The following TRAF7 variants were observed in gnomAD, a reference collection of about 807,000 sequenced individuals.
TRAF7 encodes the protein E3 ubiquitin-protein ligase TRAF7.
A neutral mutation model predicts 89.3 loss-of-function variants in TRAF7; 45 were observed. The observed-to-expected ratio is 0.50, with a 90% confidence interval of 0.40 to 0.65. The LOEUF (loss-of-function observed/expected upper bound fraction) is 0.65, where lower values mean the gene tolerates loss of function less well. Ranked by LOEUF, TRAF7 falls within the 30% of genes least tolerant of loss-of-function variation. The pLI is 0.00. For missense variants in TRAF7, 677 were observed against 918.1 expected, an observed-to-expected ratio of 0.74 and a Z score of 3.39; for synonymous variants, 406 against 369.2, an observed-to-expected ratio of 1.10 and a Z score of -1.14.
intron 11 of TRAF7, 92 bp downstream of exon 11, chr16:2,173,646 G>T: frequency 1.9e-6 from 3 of 1,578,434 alleles, no homozygotes; most frequent in Non-Finnish European, 2.6e-6. Context: ...GCCTACACTA[G>T]TCAAGATCAG....
At position 2,165,891 on chromosome 16, in the gene TRAF7, A is replaced by G. The variant is rs147236770; in HGVS notation, c.94A>G (p.Thr32Ala). The change falls in exon 3 of 21, where the codon ACG becomes GCG. Residue 32 changes from threonine to alanine, a missense_variant. By Grantham distance (58) the Thr-to-Ala change is moderately conservative. Around this residue, in one of 6 missense-constraint regions of TRAF7, gnomAD observed 240 missense variants for 191.9 expected, o/e 1.25. Coordinates refer to ENST00000326181, the MANE Select transcript of TRAF7 (RefSeq NM_032271.3). ...GTCCTCCCTCTAGACCAGAATGGAA[A>G]CGACCTTCGGACCCGCCTTTTCAGC... ...PDVTTGTRME[T>A]TFGPAFSAVT... The G allele has an allele frequency of 1.2e-6, 2 of 1,614,010 alleles. No homozygotes were observed. Among genetic ancestry groups the G allele is most frequent in the African/African-American group, 1.3e-5 (1 of 74,928 alleles).
At chr16:2,157,743 G>A (rs925183472) in intron 1 of TRAF7, among the ~76,000 whole-genome samples, 2 of 152,050 alleles carry the variant, frequency 1.3e-5, no homozygotes, top group Non-Finnish European at 2.9e-5. Flanking sequence ...GCCACTCCCC[G>A]GCTTGGCATG....
chr16:2,171,290 C>T lies in TRAF7; in HGVS notation c.375C>T (p.Pro125=). 1 of 1,554,506 alleles carries T rather than the reference C, an allele frequency of 6.4e-7. No individual in the cohort carries two copies. The highest frequency in any genetic ancestry group is 1.2e-5 in the South Asian group (1 of 84,626). ...EPEPLVFAEQ[P]SVKLCCQLCC... ...AGCCACTGGTGTTTGCGGAGCAGCC[C>T]TCGGTGAAGCTGTGCTGTCAGCTCT... Residue 125 remains proline (P), a synonymous_variant, in exon 6 of 21, where the codon CCC becomes CCT. Transcript: ENST00000326181.
At chr16:2,170,000 C>G (rs1274281781) in intron 4 of TRAF7, among the ~76,000 whole-genome samples, 1 of 152,118 alleles carries the variant, frequency 6.6e-6, no homozygotes, top group Non-Finnish European at 1.5e-5. Context: ...GTGTCTGCCC[C>G]TCCCCCAGGC....
rs1357649880 is a variant in TRAF7, at chr16:2,176,363, G to T, written c.1977G>T (p.Gly659=). 2 of 1,607,138 alleles carry T rather than the reference G, an allele frequency of 1.2e-6. No homozygotes were observed. The highest frequency in any genetic ancestry group is 8.5e-7 in the Non-Finnish European group (1 of 1,178,640). ...TGTCCCGGGGCCGACTCTTCTCAGG[G>T]GCTGTGGATAGCACTGTGAAGGTCA... is the stretch of plus-strand genomic sequence containing the variant. The part of the protein sequence containing the change: ...LAVSRGRLFS[G]AVDSTVKVWT... Residue 659 remains glycine, a synonymous_variant, in exon 20 of 21, where the codon GGG becomes GGT. Transcript: ENST00000326181.
At chr16:2,175,805 G>A (rs1193915567) in intron 17 of TRAF7, 29 bp from the exon 18 acceptor site, 2 of 1,610,470 alleles carry the variant, frequency 1.2e-6, no homozygotes, top group Non-Finnish European at 1.7e-6. Flanking sequence ...CACCTGGCCT[G>A]GGACCAACTG....
At chr16:2,156,207 C>T (rs1413582977) in intron 1 of TRAF7, among the ~76,000 whole-genome samples, 1 of 152,174 alleles carries the variant, frequency 6.6e-6, no homozygotes, top group Non-Finnish European at 1.5e-5. Flanking sequence ...TCGGCGTCTG[C>T]TGCAGGGTTC....
chr16:2,169,318 C>T (rs962495474), intron 4 of TRAF7, among the ~76,000 whole-genome samples: 1 of 152,186 alleles, frequency 6.6e-6, no homozygotes. Flanking sequence ...AACAAACACA[C>T]CTGTGTGCCG....
chr16:2,160,157 T>C (rs1007985991), intron 1 of TRAF7, among the ~76,000 whole-genome samples: 1 of 151,700 alleles, frequency 6.6e-6, no homozygotes, highest in Admixed American at 6.6e-5. Flanking sequence ...CCCTCCTACG[T>C]GAATGTGGGG....
At chr16:2,160,852 G>T (rs1397175970) in intron 1 of TRAF7, among the ~76,000 whole-genome samples, 1 of 151,746 alleles carries the variant, frequency 6.6e-6, no homozygotes, top group Non-Finnish European at 1.5e-5. Flanking sequence ...TCTCCCTCTG[G>T]GGGGCCAGGG....
intron 4 of TRAF7, among the ~76,000 whole-genome samples, chr16:2,170,138 TC>T (rs1485643782): frequency 6.6e-6 from 1 of 151,974 alleles, no homozygotes; most frequent in African/African-American, 2.4e-5. Flanking sequence ...GGGCCTGGTG[TC>T]CCCCACCAGC....
Position 2,173,207 on chromosome 16 carries a change from A to G in TRAF7, c.820A>G (p.Thr274Ala). 3.1e-6 allele frequency: 5 copies of G among 1,611,384 alleles called. No individual in the cohort carries two copies. Among genetic ancestry groups the G allele is most frequent in the Non-Finnish European group, 4.2e-6 (5 of 1,179,364 alleles). Residue 274 changes from threonine (T) to alanine (A), a missense_variant, in exon 10 of 21, where the codon ACT becomes GCT. Around this residue, in one of 6 missense-constraint regions of TRAF7, gnomAD observed 238 missense variants for 352.6 expected, o/e 0.67. Coordinates refer to ENST00000326181, the MANE Select transcript of TRAF7 (RefSeq NM_032271.3). ...GTGCACGTTCATCGGGAACCAGGACACTTACGAGACCCACCTGGAGACTTG... is the reference window on the plus strand; with the variant it reads ...GTGCACGTTCATCGGGAACCAGGACGCTTACGAGACCCACCTGGAGACTTG... ...YGCTFIGNQD[T>A]YETHLETCRF...
rs2093098566 is a variant in TRAF7 at position 2,169,172 on chromosome 16, G to A, written c.231+1004G>A. Among the ~76,000 whole-genome samples the A allele has an allele frequency of 2.6e-5, 4 of 152,076 alleles. No homozygotes were observed. In the South Asian group the frequency reaches 8.3e-4, roughly 32 times the overall value. ...GGCTAATTTTGAATTAGTAGAGATG[G>A]GGTTTCTCCATGTTGGTCAGGCTGG... is the stretch of plus-strand genomic sequence containing the variant. On this transcript the variant is annotated intron_variant, in intron 4 of 20. Coordinates refer to ENST00000326181, the MANE Select transcript of TRAF7 (RefSeq NM_032271.3).
At chr16:2,175,779 G>T (rs1292244879) in intron 17 of TRAF7, 55 bp from the exon 18 acceptor site, 5 of 1,604,714 alleles carry the variant, frequency 3.1e-6, no homozygotes, top group Non-Finnish European at 2.6e-6. Flanking sequence ...GGGGTGCGGG[G>T]GCCCTGGGGG....
chr16:2,174,392 C>T, intron 14 of TRAF7, 59 bp downstream of exon 14: 1 of 1,549,244 alleles, frequency 6.5e-7, no homozygotes, highest in Non-Finnish European at 8.8e-7. Flanking sequence ...GGCGCTGCCA[C>T]CCCGTGGGCC....
chr16:2,165,792 G>T, intron 2 of TRAF7, 87 bp from the exon 3 acceptor site: 1 of 1,506,822 alleles, frequency 6.6e-7, no homozygotes, highest in Non-Finnish European at 9.2e-7. Context: ...TGGCCTGGTC[G>T]CGTGTTAGGC....
chr16:2,161,822 G>C lies in TRAF7; in HGVS notation c.-38-2061G>C, dbSNP rs1031246265. Reference sequence around the variant, plus strand: ...CAGCTCTCCCCGACCTTCCTGCCGGGAGCTGCTGGAGACGGGATAGACATG... The same window carrying C: ...CAGCTCTCCCCGACCTTCCTGCCGGCAGCTGCTGGAGACGGGATAGACATG... On this transcript the variant is annotated intron_variant, in intron 1 of 20. Coordinates refer to ENST00000326181, the MANE Select transcript of TRAF7 (RefSeq NM_032271.3). This position sits in a 1 kb window ranked among gnomAD's most constrained non-coding sequence, Gnocchi z 5.2. 1.3e-5 allele frequency among the ~76,000 whole-genome samples: 2 copies of C among 152,206 alleles called. No individual in the cohort carries two copies. Among genetic ancestry groups the C allele is most frequent in the African/African-American group, 4.8e-5 (2 of 41,458 alleles).
intron 3 of TRAF7, among the ~76,000 whole-genome samples, chr16:2,166,275 T>A (rs968472645): frequency 1.3e-5 from 2 of 152,290 alleles, no homozygotes; most frequent in Admixed American, 1.3e-4. Context: ...GTCCCCAGTC[T>A]CAGGCTCCTG....
intron 2 of TRAF7, among the ~76,000 whole-genome samples, chr16:2,165,336 T>C: frequency 7.0e-6 from 1 of 142,172 alleles, no homozygotes; most frequent in Non-Finnish European, 1.5e-5. Flanking sequence ...TGGCGCGGCC[T>C]GGTCGCATGG....
Sources: allele counts gnomAD v4.1 joint callset (sites outside exome capture counted in the v4.1 genomes callset), GRCh38; gene constraint gnomAD v4.1.1; regional missense constraint gnomAD v4.1.1; non-coding constraint Gnocchi (gnomAD v3.1); transcripts MANE v1.5; gene names NCBI Gene and HGNC (gene_info 2026-07-23, HGNC 2026-07-21).